The following PTN variants were observed in gnomAD, a reference collection of about 807,000 sequenced individuals.
PTN encodes heparin affin regulatory protein.
In PTN, 18 loss-of-function variants were observed where a neutral mutation model predicts 24.1. That is an observed-to-expected ratio of 0.75 (90% CI 0.52 to 1.11). The LOEUF is 1.11. PTN is among the 50% of genes least tolerant of loss of function. The pLI, the probability that PTN is intolerant of heterozygous loss-of-function variation, is 0.00. For synonymous variants in PTN, 78 were observed against 68.6 expected (o/e 1.14, Z -0.67); for missense variants, 163 against 198.8 (o/e 0.82, Z 1.08).
intron 1 of PTN, among the ~76,000 whole-genome samples, chr7:137,291,859 T>C (rs1809643478): frequency 6.6e-6 from 1 of 152,106 alleles, no homozygotes. Flanking sequence ...CCAGAGGCAG[T>C]GAAATTTGAA....
intron 4 of PTN, among the ~76,000 whole-genome samples, chr7:137,244,159 T>C (rs530773256): frequency 1.3e-5 from 2 of 152,308 alleles, no homozygotes; most frequent in African/African-American, 4.8e-5. Context: ...TTCACCAATT[T>C]ATCCCTGCCA....
intron 1 of PTN, among the ~76,000 whole-genome samples, chr7:137,292,160 G>A (rs1809647673): frequency 6.6e-6 from 1 of 152,134 alleles, no homozygotes; most frequent in South Asian, 2.1e-4. Context: ...GTGGGGGATT[G>A]GTTCCAGGAG....
intron 1 of PTN, among the ~76,000 whole-genome samples, chr7:137,342,417 AC>A (rs1427410562): frequency 6.6e-6 from 1 of 152,026 alleles, no homozygotes; most frequent in Non-Finnish European, 1.5e-5. Context: ...TCCTCTTAGC[AC>A]CCCTACCCCT....
chr7:137,232,283 C>A (rs1808440210), intron 4 of PTN, among the ~76,000 whole-genome samples: 1 of 151,968 alleles, frequency 6.6e-6, no homozygotes, highest in Non-Finnish European at 1.5e-5. Flanking sequence ...CCTACCAGGA[C>A]ATCACTGCAC....
intron 1 of PTN, among the ~76,000 whole-genome samples, chr7:137,313,542 T>A (rs879726087): frequency 1.3e-5 from 2 of 152,120 alleles, no homozygotes; most frequent in Non-Finnish European, 2.9e-5. Flanking sequence ...CCTTAATCGA[T>A]CCCTCACTGT....
chr7:137,301,402 C>T (rs527997343), intron 1 of PTN, among the ~76,000 whole-genome samples: 1 of 151,958 alleles, frequency 6.6e-6, no homozygotes, highest in Admixed American at 6.6e-5. Context: ...TGAGAGTTGT[C>T]ATCATGGACA....
intron 1 of PTN, among the ~76,000 whole-genome samples, chr7:137,285,249 G>A (rs1255103861): frequency 1.3e-5 from 2 of 152,124 alleles, no homozygotes; most frequent in Non-Finnish European, 2.9e-5. Flanking sequence ...ATAGATAATA[G>A]GATACAGAAT....
chr7:137,232,448 C>T (rs1259173173), intron 4 of PTN, among the ~76,000 whole-genome samples: 2 of 151,758 alleles, frequency 1.3e-5, no homozygotes, highest in Admixed American at 1.3e-4. Flanking sequence ...ATTTTTGTAA[C>T]TTTGTGGGGG....
intron 4 of PTN, among the ~76,000 whole-genome samples, chr7:137,248,198 A>G (rs1221788239): frequency 6.6e-6 from 1 of 152,246 alleles, no homozygotes; most frequent in African/African-American, 2.4e-5. Context: ...GCAAAGGAAA[A>G]GCTATAATAT....
chr7:137,233,971 T>C (rs1395731385), intron 4 of PTN, among the ~76,000 whole-genome samples: 2 of 151,292 alleles, frequency 1.3e-5, no homozygotes, highest in African/African-American at 4.9e-5. Context: ...TATACATATA[T>C]ATGTATATAT....
intron 1 of PTN, among the ~76,000 whole-genome samples, chr7:137,341,700 C>T (rs1478718808): frequency 6.6e-6 from 1 of 152,068 alleles, no homozygotes; most frequent in Non-Finnish European, 1.5e-5. Context: ...GTGGGAGTTC[C>T]TTATAGTGGC....
chr7:137,248,930 A>C (rs1375919846), intron 4 of PTN, among the ~76,000 whole-genome samples: 1 of 152,168 alleles, frequency 6.6e-6, no homozygotes, highest in Non-Finnish European at 1.5e-5. Flanking sequence ...TTACGTATGA[A>C]TATTACAGAA....
At chr7:137,228,176 CTGATA>C (rs1808366659) in intron 4 of PTN, 101 bp from the exon 5 acceptor site, 1 of 747,922 alleles carries the variant, frequency 1.3e-6, no homozygotes, top group Admixed American at 2.2e-5. Flanking sequence ...ATTGACCAGA[CTGATA>C]CACAAGTTGT....
At position 137,243,610 on chromosome 7, in the gene PTN, T is replaced by C. The variant is rs138522948; in HGVS notation, c.451+7620A>G. Reference sequence around the variant, plus strand: ...GAATCTAGAAAGTTAAATATTCATTTTCCAGGCTCCTTCATAGCAGGATTT... The same window carrying C: ...GAATCTAGAAAGTTAAATATTCATTCTCCAGGCTCCTTCATAGCAGGATTT... On this transcript the variant is annotated intron_variant, in intron 4 of 4. Coordinates refer to ENST00000348225, the MANE Select transcript of PTN (RefSeq NM_002825.7). 1.1e-4 allele frequency among the ~76,000 whole-genome samples: 17 copies of C among 152,320 alleles called. No individual in the cohort carries two copies. The East Asian group carries it at 3.3e-3, about 29-fold the overall frequency.
intron 4 of PTN, among the ~76,000 whole-genome samples, chr7:137,244,032 C>T (rs1202432924): frequency 6.6e-6 from 1 of 152,020 alleles, no homozygotes; most frequent in Non-Finnish European, 1.5e-5. Context: ...GAGTAGATCT[C>T]GCTGTATCTA....
chr7:137,309,141 G>C (rs1173350773), intron 1 of PTN, among the ~76,000 whole-genome samples: 2 of 152,118 alleles, frequency 1.3e-5, no homozygotes, highest in Non-Finnish European at 2.9e-5. Flanking sequence ...CCAGACCACT[G>C]CAATTAAAGT....
intron 1 of PTN, among the ~76,000 whole-genome samples, chr7:137,325,194 T>C (rs1810238523): frequency 6.6e-6 from 1 of 152,206 alleles, no homozygotes. Flanking sequence ...TTAGAAAAGA[T>C]CTTGTCTGAT....
At chr7:137,271,739 G>A (rs1368549595) in intron 1 of PTN, among the ~76,000 whole-genome samples, 4 of 152,220 alleles carry the variant, frequency 2.6e-5, no homozygotes, top group East Asian at 1.9e-4. Context: ...CTGCTGCAAC[G>A]TGGTATAGGG....
chr7:137,228,360 T>C (rs927812935), intron 4 of PTN, among the ~76,000 whole-genome samples: 22 of 151,782 alleles, frequency 1.4e-4, no homozygotes, highest in African/African-American at 4.8e-4. Flanking sequence ...CCTGTTATCT[T>C]ACTGGTTGCC....
Sources: allele counts gnomAD v4.1 joint callset (sites outside exome capture counted in the v4.1 genomes callset), GRCh38; gene constraint gnomAD v4.1.1; transcripts MANE v1.5; gene names NCBI Gene and HGNC (gene_info 2026-07-23, HGNC 2026-07-21).